CC2D2A: variants seen among roughly 807,000 people sequenced by gnomAD.
CC2D2A encodes the protein coiled-coil and C2 domain-containing protein 2A.
Under a neutral mutation model 212.9 loss-of-function variants are expected in CC2D2A, and 155 were observed. The observed-to-expected ratio is 0.73, with a 90% confidence interval of 0.64 to 0.83. The LOEUF is 0.83. Ranked by LOEUF, CC2D2A falls within the 40% of genes least tolerant of loss-of-function variation. The pLI is 0.00. For synonymous variants in CC2D2A, 667 were observed against 686.5 expected (o/e 0.97, Z 0.44); for missense variants, 1,856 against 1,956.2 (o/e 0.95, Z 0.97).
chr4:15,564,834 C>T (rs902961088), intron 24 of CC2D2A, among the ~76,000 whole-genome samples: 14 of 152,054 alleles, frequency 9.2e-5, no homozygotes, highest in African/African-American at 2.7e-4. Flanking sequence ...TGCCCCACCA[C>T]GCGAGGCTAA....
chr4:15,511,223 C>G, intron 7 of CC2D2A, 24 bp from the exon 8 acceptor site: 1 of 1,575,244 alleles, frequency 6.3e-7, no homozygotes, highest in Non-Finnish European at 8.6e-7. Context: ...TGGGAAATTG[C>G]GATTGCTCCT....
intron 17 of CC2D2A, among the ~76,000 whole-genome samples, chr4:15,549,060 T>C (rs1718863365): frequency 6.6e-6 from 1 of 152,152 alleles, no homozygotes; most frequent in South Asian, 2.1e-4. Context: ...TAGATACATA[T>C]TGAAATATTT....
Position 15,515,967 on chromosome 4 carries a change from A to G in CC2D2A, c.980A>G (p.Gln327Arg). ...GVRPEVARTN[Q>R]NIMENRLLMQ... ...AGACCAGAGGTGGCACGCACCAATC[A>G]GAACATCATGGAGAACAGATTGCTG... is the stretch of plus-strand genomic sequence containing the variant. The change falls in exon 10 of 37, where the codon CAG becomes CGG. Residue 327 changes from glutamine to arginine, a missense_variant. Physicochemically the swap from Gln to Arg is conservative, Grantham distance 43. Transcript: ENST00000424120. 6.3e-7 allele frequency: 1 copy of G among 1,586,418 alleles called. No individual in the cohort carries two copies. The highest frequency in any genetic ancestry group is 8.6e-7 in the Non-Finnish European group (1 of 1,165,938).
chr4:15,592,620 T>C (rs1721159979), intron 33 of CC2D2A, among the ~76,000 whole-genome samples: 1 of 152,230 alleles, frequency 6.6e-6, no homozygotes, highest in Non-Finnish European at 1.5e-5. Flanking sequence ...GTTTCTTATG[T>C]TTCTTTCAAT....
At chr4:15,523,411 A>G (rs906965627) in intron 11 of CC2D2A, among the ~76,000 whole-genome samples, 1 of 152,092 alleles carries the variant, frequency 6.6e-6, no homozygotes, top group African/African-American at 2.4e-5. Flanking sequence ...CTGCATACCC[A>G]CTGGAGGACT....
intron 29 of CC2D2A, among the ~76,000 whole-genome samples, chr4:15,575,462 T>C (rs1577389186): frequency 6.6e-6 from 1 of 152,298 alleles, no homozygotes; most frequent in South Asian, 2.1e-4. Context: ...TCCTCCAAGC[T>C]TACATTCACA....
At position 15,560,573 on chromosome 4, in the gene CC2D2A, T is replaced by C; in HGVS notation, c.2965T>C (p.Tyr989His). 6.5e-7 allele frequency: 1 copy of C among 1,532,448 alleles called. No homozygotes were observed. Among genetic ancestry groups the C allele is most frequent in the Non-Finnish European group, 9.0e-7 (1 of 1,116,144 alleles). The allele number at this position is 1,532,448 out of a possible 1,614,324, so 94.9% of individuals were successfully genotyped here. The change falls in exon 23 of 37, where the codon TAT becomes CAT. Residue 989 changes from tyrosine (Y) to histidine (H), a missense_variant. Coordinates refer to ENST00000424120, the MANE Select transcript of CC2D2A (RefSeq NM_001378615.1). The stretch of plus-strand genomic sequence containing the variant: ...AAATCGTTTCTTAATTGCAAAACAA[T>C]ATTTTCTTCTTGCTGATATGATAGT... ...VINRFLIAKQYFLLADMIVEE... is the reference protein window; with the variant it reads ...VINRFLIAKQHFLLADMIVEE...
At chr4:15,513,656 C>A (rs1030643840) in intron 8 of CC2D2A, among the ~76,000 whole-genome samples, 1 of 152,344 alleles carries the variant, frequency 6.6e-6, no homozygotes, top group Admixed American at 6.5e-5. Context: ...TCTGTAGCCC[C>A]TTTCGCTAGC....
At chr4:15,500,074 A>ATT (rs1715835797) in intron 4 of CC2D2A, among the ~76,000 whole-genome samples, 2 of 93,786 alleles carry the variant, frequency 2.1e-5, no homozygotes, top group African/African-American at 9.7e-5. Context: ...ACAAACCTAG[A>ATT]TTGTGTGTGT....
chr4:15,532,049 G>A (rs1717875846), intron 13 of CC2D2A, among the ~76,000 whole-genome samples: 1 of 152,132 alleles, frequency 6.6e-6, no homozygotes, highest in Non-Finnish European at 1.5e-5. Flanking sequence ...TTTTACAGAT[G>A]TGAGCCAGCA....
At chr4:15,600,348 G>C (rs1721529111) in intron 36 of CC2D2A, among the ~76,000 whole-genome samples, 1 of 152,208 alleles carries the variant, frequency 6.6e-6, no homozygotes, top group African/African-American at 2.4e-5. Context: ...GTAAAGCTTA[G>C]AGGGTAGCTA....
At chr4:15,570,539 T>C (rs774293306) in intron 28 of CC2D2A, 43 bp downstream of exon 28, 3 of 1,362,780 alleles carry the variant, frequency 2.2e-6, no homozygotes, top group Non-Finnish European at 2.1e-6. Context: ...AGGGAATTTC[T>C]CTATCCATTT....
intron 10 of CC2D2A, among the ~76,000 whole-genome samples, 179 bp from the exon 11 acceptor site, chr4:15,516,446 A>G (rs770280486): frequency 1.3e-5 from 2 of 152,160 alleles, no homozygotes; most frequent in Non-Finnish European, 2.9e-5. Flanking sequence ...ATCAATTGTG[A>G]GAAGTGTTAG....
At chr4:15,518,536 C>T (rs1453196192) in intron 11 of CC2D2A, among the ~76,000 whole-genome samples, 1 of 152,332 alleles carries the variant, frequency 6.6e-6, no homozygotes, top group Non-Finnish European at 1.5e-5. Context: ...CTAGGCAGTG[C>T]CCCAGTAGGA....
intron 22 of CC2D2A, 102 bp from the exon 23 acceptor site, chr4:15,560,429 G>A (rs1461517974): frequency 8.1e-6 from 5 of 614,070 alleles, no homozygotes; most frequent in African/African-American, 1.9e-5. Context: ...CTGGAGGACT[G>A]GGGGGACACT....
intron 16 of CC2D2A, among the ~76,000 whole-genome samples, chr4:15,538,979 G>T (rs796515942): frequency 1.3e-5 from 2 of 151,942 alleles, no homozygotes; most frequent in Non-Finnish European, 2.9e-5. Flanking sequence ...CAGGAGGATC[G>T]CTTGAGGCCA....
intron 3 of CC2D2A, chr4:15,479,417 G>T (rs1714473486): frequency 2.8e-6 from 3 of 1,067,184 alleles, no homozygotes; most frequent in South Asian, 1.4e-5. Flanking sequence ...CAATCAAGAT[G>T]CCAGCAGGGG....
intron 4 of CC2D2A, chr4:15,481,835 G>A: frequency 1.0e-6 from 1 of 985,448 alleles, no homozygotes; most frequent in Non-Finnish European, 1.2e-6. Context: ...GAAATTGTTA[G>A]GGAAGACATA....
intron 4 of CC2D2A, among the ~76,000 whole-genome samples, chr4:15,485,572 T>C (rs1335502495): frequency 6.6e-6 from 1 of 152,250 alleles, no homozygotes; most frequent in Non-Finnish European, 1.5e-5. Flanking sequence ...CCATAACAGC[T>C]GTACAAATTT....
Sources: gnomAD v4.1 joint callset for allele counts (sites outside exome capture counted in the v4.1 genomes callset) on GRCh38, gnomAD v4.1.1 for gene constraint, MANE v1.5 for transcripts, NCBI Gene and HGNC (gene_info 2026-07-23, HGNC 2026-07-21) for gene names.